Variants in HPSE2 observed in about 807,000 individuals in gnomAD.
HPSE2 encodes the protein heparanase 2 (inactive).
In HPSE2, 38 loss-of-function variants were observed where a neutral mutation model predicts 60.5. The observed-to-expected ratio is 0.63, with a 90% confidence interval of 0.48 to 0.82. The LOEUF is 0.82. Among genes scored for constraint, HPSE2 ranks in the 40% least tolerant of loss-of-function variants. The pLI is 0.00. For synonymous variants in HPSE2, 295 were observed against 293.2 expected, an observed-to-expected ratio of 1.01 and a Z score of -0.06; for missense variants, 713 against 740.4, an observed-to-expected ratio of 0.96 and a Z score of 0.43.
intron 6 of HPSE2, among the ~76,000 whole-genome samples, chr10:98,654,698 CTA>C (rs1443148401): frequency 6.6e-6 from 1 of 152,156 alleles, no homozygotes; most frequent in Non-Finnish European, 1.5e-5. Context: ...ATTCTAATAA[CTA>C]TGTCATATAT....
chr10:99,043,561 C>A (rs902028875), intron 3 of HPSE2, among the ~76,000 whole-genome samples: 10 of 152,114 alleles, frequency 6.6e-5, no homozygotes, highest in African/African-American at 2.4e-4. Context: ...AATTCAGAAT[C>A]TGGATGGCAA....
chr10:99,126,286 C>G lies in HPSE2; in HGVS notation c.610+17952G>C, dbSNP rs1457677305. ...GGCCTGAGAACCACAACCAATCCCC[C>G]ACAGTGGCCGCAGCAAGCCTTGCCC... On this transcript the variant is annotated intron_variant, in intron 3 of 11. Coordinates refer to ENST00000370552, the MANE Select transcript of HPSE2 (RefSeq NM_021828.5). The surrounding 1 kb of genome is among the most constrained non-coding windows in gnomAD (Gnocchi z 4.0). Among the ~76,000 whole-genome samples the G allele has an allele frequency of 6.6e-6, 1 of 152,146 alleles. No individual in the cohort carries two copies. The highest frequency in any genetic ancestry group is 1.5e-5 in the Non-Finnish European group (1 of 68,032).
At chr10:98,712,642 C>T (rs1428036623) in intron 5 of HPSE2, among the ~76,000 whole-genome samples, 2 of 152,062 alleles carry the variant, frequency 1.3e-5, no homozygotes, top group Admixed American at 6.6e-5. Flanking sequence ...TGTGGTCTGC[C>T]GTGGTGGCAA....
chr10:98,614,362 G>A (rs908902156), intron 9 of HPSE2, among the ~76,000 whole-genome samples: 10 of 149,342 alleles, frequency 6.7e-5, no homozygotes, highest in African/African-American at 2.2e-4. Flanking sequence ...GCACCATCTC[G>A]GCTCACTGCA....
chr10:98,758,875 T>C (rs1293082447), intron 3 of HPSE2, among the ~76,000 whole-genome samples: 5 of 152,124 alleles, frequency 3.3e-5, no homozygotes, highest in Non-Finnish European at 5.9e-5. Flanking sequence ...ACCATAAAGA[T>C]ACATGCATGC....
chr10:99,164,944 A>G (rs1847012597), intron 2 of HPSE2, among the ~76,000 whole-genome samples: 1 of 152,068 alleles, frequency 6.6e-6, no homozygotes, highest in Non-Finnish European at 1.5e-5. Flanking sequence ...TTAGCTGGGC[A>G]TGGTGGCGCA....
chr10:98,743,255 G>A (rs1265516597), intron 4 of HPSE2, among the ~76,000 whole-genome samples: 4 of 151,750 alleles, frequency 2.6e-5, no homozygotes, highest in African/African-American at 4.8e-5. Context: ...ACAGGCCTGA[G>A]CCACCACGCC....
intron 3 of HPSE2, among the ~76,000 whole-genome samples, chr10:98,970,615 CT>C (rs1955928428): frequency 6.6e-6 from 1 of 152,156 alleles, no homozygotes; most frequent in East Asian, 1.9e-4. Flanking sequence ...GCAATATACC[CT>C]TTTATCATTG....
intron 3 of HPSE2, among the ~76,000 whole-genome samples, chr10:98,762,407 C>G (rs570160014): frequency 1.2e-3 from 188 of 152,042 alleles, no homozygotes; most frequent in Non-Finnish European, 2.3e-3. Context: ...AGAAAATGTT[C>G]GGGGCTGGAG....
At chr10:98,986,188 C>T (rs1324654019) in intron 3 of HPSE2, among the ~76,000 whole-genome samples, 1 of 152,176 alleles carries the variant, frequency 6.6e-6, no homozygotes, top group African/African-American at 2.4e-5. Flanking sequence ...ACAGAATAAA[C>T]ATTCTTTTCA....
chr10:99,067,960 A>G (rs1224048190), intron 3 of HPSE2, among the ~76,000 whole-genome samples: 1 of 152,192 alleles, frequency 6.6e-6, no homozygotes, highest in Non-Finnish European at 1.5e-5. Flanking sequence ...ACCCTAAATC[A>G]TAACTCTTAA....
At chr10:98,595,606 A>G (rs1177377175) in intron 9 of HPSE2, among the ~76,000 whole-genome samples, 4 of 151,834 alleles carry the variant, frequency 2.6e-5, no homozygotes, top group Non-Finnish European at 5.9e-5. Flanking sequence ...TTTTTAGTGG[A>G]GTCTTTAGGA....
At chr10:98,658,911 A>T (rs1016867398) in intron 6 of HPSE2, among the ~76,000 whole-genome samples, 1 of 139,536 alleles carries the variant, frequency 7.2e-6, no homozygotes, top group African/African-American at 2.6e-5. Context: ...ATACTGGCAG[A>T]GTTTTTTTTT....
rs200059066 is a variant in HPSE2, at chr10:99,184,522, C to CAAAAAAAA, written c.449-40131_449-40124dup. Among the ~76,000 whole-genome samples the CAAAAAAAA allele has an allele frequency of 1.7e-3, 102 of 60,756 alleles. 3 individuals carry two copies. Among genetic ancestry groups the CAAAAAAAA allele is most frequent in the Non-Finnish European group, 2.1e-3 (80 of 38,176 alleles). The allele number at this position is 60,756 out of a possible 152,430, so 39.9% of individuals were successfully genotyped here. A position where few individuals can be genotyped will look rare whatever the true frequency, so the allele number is the denominator to read the frequency against. On this transcript the variant is annotated intron_variant, in intron 2 of 11. Coordinates refer to ENST00000370552, the MANE Select transcript of HPSE2 (RefSeq NM_021828.5). ...CCTGGGCAACAGAGCGAGACTGTCT[C>CAAAAAAAA]AAAAAAAAAAAAAAAAAAAAAAAAA...
At chr10:98,731,923 A>G (rs1183346621) in intron 4 of HPSE2, among the ~76,000 whole-genome samples, 1 of 152,216 alleles carries the variant, frequency 6.6e-6, no homozygotes, top group African/African-American at 2.4e-5. Flanking sequence ...AATCTAAAGA[A>G]TAAATTCAGC....
intron 6 of HPSE2, among the ~76,000 whole-genome samples, chr10:98,686,592 T>C (rs766777969): frequency 1.3e-5 from 2 of 152,118 alleles, no homozygotes; most frequent in Non-Finnish European, 2.9e-5. Flanking sequence ...TCCTTAGAGA[T>C]GGAAGTCTCG....
At chr10:99,120,223 A>G (rs1844892246) in intron 3 of HPSE2, among the ~76,000 whole-genome samples, 1 of 152,208 alleles carries the variant, frequency 6.6e-6, no homozygotes, top group Non-Finnish European at 1.5e-5. Context: ...TCCAGCATCT[A>G]TAAGGAACTT....
chr10:99,161,050 A>C (rs553158358), intron 2 of HPSE2, among the ~76,000 whole-genome samples: 27 of 151,844 alleles, frequency 1.8e-4, no homozygotes, highest in South Asian at 4.2e-4. Context: ...AGGAGTCCCC[A>C]TCTGTACAAA....
chr10:99,257,708 T>C, the HPSE2 span, among the ~76,000 whole-genome samples: 5 of 152,320 alleles, frequency 3.3e-5, no homozygotes, highest in Admixed American at 6.5e-5. Flanking sequence ...TGATATTCTA[T>C]TACCTTGTGA....
Sources: allele counts gnomAD v4.1 joint callset (sites outside exome capture counted in the v4.1 genomes callset), GRCh38; gene constraint gnomAD v4.1.1; non-coding constraint Gnocchi (gnomAD v3.1); transcripts MANE v1.5; gene names NCBI Gene and HGNC (gene_info 2026-07-23, HGNC 2026-07-21).